PTPDC1: variants seen among roughly 807,000 people sequenced by gnomAD.
PTPDC1 encodes protein tyrosine phosphatase domain-containing protein 1.
In PTPDC1, 53 loss-of-function variants were observed where a neutral mutation model predicts 75.3. The observed-to-expected ratio is 0.70, with a 90% confidence interval of 0.56 to 0.88. PTPDC1 has a LOEUF of 0.88. PTPDC1 is among the 40% of genes least tolerant of loss of function. The pLI, the probability that PTPDC1 is intolerant of heterozygous loss-of-function variation, is 0.00. For synonymous variants in PTPDC1, 349 were observed against 366.2 expected (o/e 0.95, Z 0.54); for missense variants, 925 against 998.6 (o/e 0.93, Z 0.99).
At chr9:94,044,550 C>G (rs1214262859) in intron 1 of PTPDC1, among the ~76,000 whole-genome samples, 1 of 152,078 alleles carries the variant, frequency 6.6e-6, no homozygotes, top group Non-Finnish European at 1.5e-5. Context: ...GAACATGTGG[C>G]CTGCATCAGT....
chr9:94,049,480 T>C (rs1436230637), intron 1 of PTPDC1, among the ~76,000 whole-genome samples: 1 of 152,196 alleles, frequency 6.6e-6, no homozygotes, highest in African/African-American at 2.4e-5. Context: ...TGAAGCTTAG[T>C]TTGGCTGGAT....
At chr9:94,074,104 A>G (rs1375158826) in intron 2 of PTPDC1, among the ~76,000 whole-genome samples, 1 of 152,172 alleles carries the variant, frequency 6.6e-6, no homozygotes, top group Non-Finnish European at 1.5e-5. Context: ...CATTCTTGGT[A>G]TGACAAGTGA....
At chr9:94,036,091 C>T (rs1825261189) in intron 1 of PTPDC1, among the ~76,000 whole-genome samples, 1 of 148,332 alleles carries the variant, frequency 6.7e-6, no homozygotes, top group Non-Finnish European at 1.5e-5. Context: ...ATATTAATCC[C>T]TTATCAGATA....
intron 4 of PTPDC1, among the ~76,000 whole-genome samples, chr9:94,093,282 G>T (rs1243768254): frequency 6.7e-6 from 1 of 149,138 alleles, no homozygotes; most frequent in East Asian, 2.0e-4. Context: ...CAGGCCTGGT[G>T]GTGACAAAAT....
chr9:94,087,760 C>A, intron 2 of PTPDC1, 71 bp from the exon 3 acceptor site: 3 of 1,032,486 alleles, frequency 2.9e-6, no homozygotes, highest in South Asian at 1.3e-5. Context: ...TCTCTCAGGA[C>A]TGGAACATCT....
chr9:94,040,721 C>T (rs531719705), intron 1 of PTPDC1, among the ~76,000 whole-genome samples: 1 of 151,948 alleles, frequency 6.6e-6, no homozygotes, highest in African/African-American at 2.4e-5. Flanking sequence ...TATTTTACTT[C>T]CTTTATAGAA....
Position 94,062,892 on chromosome 9 carries a change from A to G in PTPDC1, c.-6-1842A>G, listed in dbSNP as rs983550941. On this transcript the variant is annotated intron_variant, in intron 1 of 9. Transcript: ENST00000375360. The stretch of plus-strand genomic sequence containing the variant: ...TGAATAGACTCAAGGAACTCAGTCT[A>G]ATATGGTCCATTTCAGTTTGACAGT... 4.6e-5 allele frequency among the ~76,000 whole-genome samples: 7 copies of G among 152,340 alleles called. No individual in the cohort carries two copies. In the South Asian group the frequency reaches 1.2e-3, roughly 27 times the overall value.
In PTPDC1 at chr9:94,097,473, A is replaced by C. The variant is rs997378717; in HGVS notation, c.907A>C (p.Asn303His). ...EFTQFLTPLRNIFSCCDPKAH... is the reference protein window; with the variant it reads ...EFTQFLTPLRHIFSCCDPKAH... ...TACTCAGTTTCTAACTCCTCTCCGC[A>C]ATATATTCTCTTGCTGTGATCCCAA... The change falls in exon 6 of 9, where the codon AAT (asparagine) becomes CAT (histidine). Residue 303 changes from asparagine (N) to histidine (H), a missense_variant. Transcript: ENST00000620992. 1 of 1,614,182 alleles carries C rather than the reference A, an allele frequency of 6.2e-7. No individual in the cohort carries two copies. Among genetic ancestry groups the C allele is most frequent in the Admixed American group, 1.7e-5 (1 of 60,022 alleles).
upstream of PTPDC1, among the ~76,000 whole-genome samples, chr9:94,082,228 G>A (rs559565554): frequency 2.6e-5 from 4 of 152,380 alleles, no homozygotes; most frequent in African/African-American, 9.6e-5. Context: ...AAATTCAGCT[G>A]TACAGCAAAT....
At chr9:94,070,363 T>C (rs1254888478) in intron 2 of PTPDC1, among the ~76,000 whole-genome samples, 2 of 152,186 alleles carry the variant, frequency 1.3e-5, no homozygotes, top group Non-Finnish European at 2.9e-5. Context: ...ACTATTTGCC[T>C]GCCTTGTGTT....
chr9:94,039,227 T>C (rs1372287794), intron 1 of PTPDC1, among the ~76,000 whole-genome samples: 1 of 152,146 alleles, frequency 6.6e-6, no homozygotes, highest in African/African-American at 2.4e-5. Flanking sequence ...GAAAAATAGA[T>C]AAATAAATTA....
chr9:94,072,354 A>G (rs924615979), intron 2 of PTPDC1, among the ~76,000 whole-genome samples: 14 of 152,208 alleles, frequency 9.2e-5, no homozygotes, highest in African/African-American at 3.4e-4. Flanking sequence ...TTGTTTGTGT[A>G]TAGAAATGCA....
intron 8 of PTPDC1, among the ~76,000 whole-genome samples, chr9:94,104,956 ATTTG>A (rs1177838393): frequency 3.3e-5 from 5 of 152,200 alleles, no homozygotes; most frequent in East Asian, 3.8e-4. Context: ...ATCAGCTATA[ATTTG>A]TTTATTACTT....
chr9:94,076,978 T>C (rs1473587892), intron 2 of PTPDC1, among the ~76,000 whole-genome samples: 1 of 152,216 alleles, frequency 6.6e-6, no homozygotes, highest in Non-Finnish European at 1.5e-5. Context: ...TTTCTACATC[T>C]TTTTTGGAGA....
chr9:94,036,968 T>C (rs190346443), intron 1 of PTPDC1, among the ~76,000 whole-genome samples: 131 of 152,360 alleles, frequency 8.6e-4, no homozygotes, highest in Middle Eastern at 6.8e-3. Context: ...AACATTCTTT[T>C]ATTAAATTTT....
intron 2 of PTPDC1, among the ~76,000 whole-genome samples, chr9:94,075,499 A>T (rs1457020948): frequency 6.6e-6 from 1 of 152,158 alleles, no homozygotes; most frequent in Non-Finnish European, 1.5e-5. Flanking sequence ...CACATATTCC[A>T]CAGACCTTTG....
At chr9:94,065,252 C>T (rs1433287554) in intron 2 of PTPDC1, among the ~76,000 whole-genome samples, 41 of 152,228 alleles carry the variant, frequency 2.7e-4, no homozygotes, top group Admixed American at 2.7e-3. Context: ...GGACAAGTGT[C>T]GTGACTTGAA....
intron 1 of PTPDC1, among the ~76,000 whole-genome samples, chr9:94,034,793 T>G (rs1449851728): frequency 6.6e-6 from 1 of 151,976 alleles, no homozygotes; most frequent in Non-Finnish European, 1.5e-5. Flanking sequence ...CAATAATCTT[T>G]CTCAGTGGTT....
chr9:94,096,329 C>T (rs370721429), intron 5 of PTPDC1, among the ~76,000 whole-genome samples: 1 of 152,162 alleles, frequency 6.6e-6, no homozygotes, highest in African/African-American at 2.4e-5. Flanking sequence ...TGTTTCTAGA[C>T]ATTGACATGA....
Sources: allele counts gnomAD v4.1 joint callset (sites outside exome capture counted in the v4.1 genomes callset), GRCh38; gene constraint gnomAD v4.1.1; transcripts MANE v1.5; gene names NCBI Gene and HGNC (gene_info 2026-07-23, HGNC 2026-07-21).